SLC17A8: variants seen among roughly 807,000 people sequenced by gnomAD.
SLC17A8 encodes solute carrier family 17 member 8.
SLC17A8 carries 31 observed loss-of-function variants against 58.0 expected under a neutral mutation model. The ratio of observed to expected loss-of-function variants is 0.53; its 90% CI spans 0.40 to 0.72. The LOEUF is 0.72. Ranked by LOEUF, SLC17A8 falls within the 30% of genes least tolerant of loss-of-function variation. SLC17A8 has a pLI of 0.00. For synonymous variants in SLC17A8, 228 were observed against 249.0 expected (o/e 0.92, Z 0.79); for missense variants, 655 against 727.8 (o/e 0.90, Z 1.15).
intron 2 of SLC17A8, among the ~76,000 whole-genome samples, chr12:100,389,413 A>C (rs1952697636): frequency 6.6e-6 from 1 of 152,186 alleles, no homozygotes; most frequent in Non-Finnish European, 1.5e-5. Context: ...GAGAGACTTA[A>C]GACTCTAATT....
chr12:100,378,029 A>G (rs1043072560), intron 1 of SLC17A8, among the ~76,000 whole-genome samples: 3 of 152,156 alleles, frequency 2.0e-5, no homozygotes, highest in African/African-American at 7.2e-5. Flanking sequence ...TAGGTGTCCA[A>G]GGAGATGTCA....
At chr12:100,381,451 C>T (rs1424522564) in intron 2 of SLC17A8, among the ~76,000 whole-genome samples, 1 of 152,170 alleles carries the variant, frequency 6.6e-6, no homozygotes, top group Non-Finnish European at 1.5e-5. Context: ...ACAGCCCAGA[C>T]TTCCCTATTG....
At chr12:100,418,516 C>T (rs1270009172) in intron 11 of SLC17A8, among the ~76,000 whole-genome samples, 1 of 152,208 alleles carries the variant, frequency 6.6e-6, no homozygotes, top group Admixed American at 6.5e-5. Context: ...ACCTTATAGC[C>T]TATTTCCATC....
At chr12:100,359,413 G>A (rs552634350) in intron 1 of SLC17A8, among the ~76,000 whole-genome samples, 150 of 152,188 alleles carry the variant, frequency 9.9e-4, no homozygotes, top group Admixed American at 2.2e-3. Flanking sequence ...TAACAAAATT[G>A]GCGATTTTCC....
chr12:100,362,584 G>A (rs560936432), intron 1 of SLC17A8, among the ~76,000 whole-genome samples: 1 of 152,184 alleles, frequency 6.6e-6, no homozygotes, highest in Admixed American at 6.5e-5. Flanking sequence ...AGCAGCTCTG[G>A]AAGTAGAAGT....
intron 2 of SLC17A8, among the ~76,000 whole-genome samples, chr12:100,387,714 C>A (rs1952686276): frequency 6.6e-6 from 1 of 152,168 alleles, no homozygotes; most frequent in African/African-American, 2.4e-5. Context: ...TCTCTCCAAG[C>A]AATAGAAAGA....
intron 11 of SLC17A8, among the ~76,000 whole-genome samples, chr12:100,418,648 G>A (rs1952924428): frequency 6.6e-6 from 1 of 152,208 alleles, no homozygotes. Context: ...ATTTAGACAA[G>A]GGTGGATGGT....
At chr12:100,385,966 T>G (rs536608602) in intron 2 of SLC17A8, among the ~76,000 whole-genome samples, 8 of 152,154 alleles carry the variant, frequency 5.3e-5, no homozygotes, top group Non-Finnish European at 1.0e-4. Context: ...AATGTCACTC[T>G]CATGTCTGCC....
chr12:100,416,537 G>GC (rs1566405927), intron 10 of SLC17A8, among the ~76,000 whole-genome samples: 1 of 146,472 alleles, frequency 6.8e-6, no homozygotes, highest in African/African-American at 2.5e-5. Context: ...CCTATTTTCA[G>GC]TTTTTTTTTT....
intron 2 of SLC17A8, among the ~76,000 whole-genome samples, chr12:100,381,724 A>G (rs1253489357): frequency 2.0e-5 from 3 of 152,248 alleles, no homozygotes; most frequent in Non-Finnish European, 4.4e-5. Context: ...AATAAAACAC[A>G]AAGGATGACA....
chr12:100,414,238 TCAAA>T (rs1443592269), intron 10 of SLC17A8, among the ~76,000 whole-genome samples: 102 of 152,192 alleles, frequency 6.7e-4, no homozygotes, highest in African/African-American at 2.4e-3. Context: ...GCCTTAAATA[TCAAA>T]CAGTGTTAGT....
At chr12:100,379,615 C>T (rs559939463) in intron 1 of SLC17A8, among the ~76,000 whole-genome samples, 84 of 152,188 alleles carry the variant, frequency 5.5e-4, no homozygotes, top group South Asian at 3.7e-3. Flanking sequence ...CTTAAGTGGG[C>T]CATGACAGTA....
chr12:100,412,776 G>T lies in SLC17A8; in HGVS notation c.1193G>T (p.Gly398Val). ...VRKIMNCGGF[G>V]MEATLLLVVG... is the part of the protein sequence containing the mutation. ...TTGCTGTTTCCATTTGCAGGTTTTG[G>T]CATGGAGGCAACCTTACTCCTGGTG... Residue 398 changes from glycine (G) to valine (V), a missense_variant, in exon 10 of 12, where the codon GGC becomes GTC. By Grantham distance (109) the Gly-to-Val change is moderately radical. Coordinates refer to ENST00000323346, the MANE Select transcript of SLC17A8 (RefSeq NM_139319.3). 1 of 1,613,200 alleles carries T rather than the reference G, an allele frequency of 6.2e-7. No homozygotes were observed. Among genetic ancestry groups the T allele is most frequent in the South Asian group, 1.1e-5 (1 of 91,062 alleles).
chr12:100,387,345 G>A (rs1446172594), intron 2 of SLC17A8, among the ~76,000 whole-genome samples: 1 of 152,122 alleles, frequency 6.6e-6, no homozygotes, highest in Non-Finnish European at 1.5e-5. Flanking sequence ...TTTCCCTGAT[G>A]GTTAGTGACA....
chr12:100,398,577 C>G (rs1952768679), intron 5 of SLC17A8, among the ~76,000 whole-genome samples: 1 of 152,174 alleles, frequency 6.6e-6, no homozygotes, highest in South Asian at 2.1e-4. Context: ...CATGTCCCAG[C>G]TAAGGTGTGG....
At chr12:100,404,918 C>T (rs1032441186) in intron 9 of SLC17A8, among the ~76,000 whole-genome samples, 8 of 152,212 alleles carry the variant, frequency 5.3e-5, no homozygotes, top group East Asian at 1.9e-4. Context: ...TCTTAGTTTG[C>T]GGCTACCCCT....
At position 100,380,180 on chromosome 12, in the gene SLC17A8, C is replaced by T. The variant is rs1026591086; in HGVS notation, c.102-521C>T. On this transcript the variant is annotated intron_variant, in intron 1 of 11. Coordinates refer to ENST00000323346, the MANE Select transcript of SLC17A8 (RefSeq NM_139319.3). ...TGCCATTGCATTCCAGCCTGGGCAA[C>T]GGGCAACAAAAGCAAAACTCCGTCT... Among the ~76,000 whole-genome samples, 9 of 118,432 alleles carry T rather than the reference C, an allele frequency of 7.6e-5. No individual in the cohort carries two copies. In the East Asian group the frequency reaches 1.0e-3, roughly 13 times the overall value. The allele number at this position is 118,432 out of a possible 152,430, so 77.7% of individuals were successfully genotyped here.
At position 100,422,013 on chromosome 12, in the gene SLC17A8, T is replaced by C. The variant is rs1327524147; in HGVS notation, c.*1854T>C. 1 of 152,154 alleles carries C rather than the reference T, an allele frequency of 6.6e-6. No individual in the cohort carries two copies. Among genetic ancestry groups the C allele is most frequent in the Non-Finnish European group, 1.5e-5 (1 of 68,016 alleles). 9.4% of individuals were successfully genotyped at this position (152,154 alleles called of 1,614,324 possible). On this transcript the variant is annotated 3_prime_UTR_variant, in exon 12 of 12. Coordinates refer to ENST00000323346, the MANE Select transcript of SLC17A8 (RefSeq NM_139319.3). Reference sequence around the variant, plus strand: ...TTATCCCTGGAACTTATTGTGAAAGTTGTGCTGTTTTCTAAGTAAAATAAA... The same window carrying C: ...TTATCCCTGGAACTTATTGTGAAAGCTGTGCTGTTTTCTAAGTAAAATAAA...
chr12:100,379,435 CAAAAA>C (rs150305704), intron 1 of SLC17A8, among the ~76,000 whole-genome samples: 1 of 136,554 alleles, frequency 7.3e-6, no homozygotes. Context: ...ATTCCGTCCC[CAAAAA>C]AAAAAAAAAA....
Sources: gnomAD v4.1 joint callset for allele counts (sites outside exome capture counted in the v4.1 genomes callset) on GRCh38, gnomAD v4.1.1 for gene constraint, MANE v1.5 for transcripts, NCBI Gene and HGNC (gene_info 2026-07-23, HGNC 2026-07-21) for gene names.